The following PKD1L3 variants were observed in gnomAD, a reference collection of about 807,000 sequenced individuals.
PKD1L3 encodes polycystin-1-like protein 3.
A neutral mutation model predicts 184.1 loss-of-function variants in PKD1L3; 239 were observed. The ratio of observed to expected loss-of-function variants is 1.30; its 90% CI spans 1.17 to 1.45. The LOEUF (loss-of-function observed/expected upper bound fraction) is 1.45. Ranked by LOEUF, PKD1L3 falls within the 40% of genes most tolerant of loss-of-function variation. The pLI is 0.00. For missense variants in PKD1L3, 2,660 were observed against 2,067.2 expected (o/e 1.29, Z -5.56); for synonymous variants, 996 against 778.8 (o/e 1.28, Z -4.64).
In PKD1L3 at chr16:72,000,029, T is replaced by G. The variant is rs998647837; in HGVS notation, c.-51A>C. ...GTGTGGGGGTTTAGCAGCTGCCTGGTCCTTTAAATATATATATTGGCGGGC... is the reference window on the plus strand; with the variant it reads ...GTGTGGGGGTTTAGCAGCTGCCTGGGCCTTTAAATATATATATTGGCGGGC... On this transcript the variant is annotated 5_prime_UTR_variant, in exon 1 of 30. Transcript: ENST00000620267. 4 of 1,349,568 alleles carry G rather than the reference T, an allele frequency of 3.0e-6. No individual in the cohort carries two copies. Among genetic ancestry groups the G allele is most frequent in the Non-Finnish European group, 4.0e-6 (4 of 1,009,278 alleles). The allele number at this position is 1,349,568 out of a possible 1,614,324, so 83.6% of individuals were successfully genotyped here. A position where few individuals can be genotyped will look rare whatever the true frequency, so the allele number is the denominator to read the frequency against.
At chr16:71,931,852 A>G (rs1174261287) in intron 28 of PKD1L3, among the ~76,000 whole-genome samples, 2 of 152,140 alleles carry the variant, frequency 1.3e-5, no homozygotes, top group East Asian at 1.9e-4. Flanking sequence ...GATTACCTCT[A>G]GTACTTTATA....
At chr16:71,957,799 A>G (rs2039104749) in intron 16 of PKD1L3, among the ~76,000 whole-genome samples, 1 of 152,188 alleles carries the variant, frequency 6.6e-6, no homozygotes, top group Non-Finnish European at 1.5e-5. Context: ...CAGCAATCAA[A>G]AAAGGGCTGG....
chr16:71,973,451 G>C lies in PKD1L3; in HGVS notation c.1826C>G (p.Thr609Arg), dbSNP rs367778404. The change falls in exon 12 of 30, where the codon ACA becomes AGA. Residue 609 changes from threonine (T) to arginine (R), a missense_variant. Physicochemically the swap from Thr to Arg is moderately conservative, Grantham distance 71. Coordinates refer to ENST00000620267, the MANE Select transcript of PKD1L3 (RefSeq NM_181536.2). ...CTCCTGCCTCTCACTCAGCACAGCTGTTATATAGTAGGTGCCAATCCCGTG... is the reference window on the plus strand; with the variant it reads ...CTCCTGCCTCTCACTCAGCACAGCTCTTATATAGTAGGTGCCAATCCCGTG... The part of the protein sequence containing the change: ...LQHGIGTYYI[T>R]AVLSERQEGA... The C allele has an allele frequency of 1.9e-6, 3 of 1,551,718 alleles. No homozygotes were observed. The highest frequency in any genetic ancestry group is 2.6e-6 in the Non-Finnish European group (3 of 1,147,044).
chr16:71,957,418 G>T (rs2039089923), intron 16 of PKD1L3, among the ~76,000 whole-genome samples: 2 of 151,360 alleles, frequency 1.3e-5, no homozygotes, highest in Non-Finnish European at 2.9e-5. Context: ...ATAGAGATTG[G>T]CAGAATGGAC....
rs867378515 is a variant in PKD1L3, at chr16:71,980,056, C to G, written c.1222G>C (p.Glu408Gln). ...GCAGAGGTCAAAGTCACTGAAGACTCGGGAGACTGGTTCTGCTCTAGAAAT... is the reference window on the plus strand; with the variant it reads ...GCAGAGGTCAAAGTCACTGAAGACTGGGGAGACTGGTTCTGCTCTAGAAAT... The part of the protein sequence containing the change: ...EAFLEQNQSP[E>Q]SSVTLTSANA... The change falls in exon 8 of 30, where the codon GAG becomes CAG. Residue 408 changes from glutamate (E) to glutamine (Q), a missense_variant. Physicochemically the swap from Glu to Gln is conservative, Grantham distance 29 (BLOSUM62 2). Transcript: ENST00000620267. 4 of 1,551,828 alleles carry G rather than the reference C, an allele frequency of 2.6e-6. No homozygotes were observed. Among genetic ancestry groups the G allele is most frequent in the African/African-American group, 1.4e-5 (1 of 73,050 alleles).
At chr16:71,935,337 G>A in intron 26 of PKD1L3, 21 bp downstream of exon 26, 7 of 1,546,670 alleles carry the variant, frequency 4.5e-6, no homozygotes, top group Non-Finnish European at 6.1e-6. Flanking sequence ...AATATGCTGT[G>A]CCCCTCAGGC....
At chr16:71,953,679 C>T (rs889342084) in intron 17 of PKD1L3, among the ~76,000 whole-genome samples, 19 of 152,102 alleles carry the variant, frequency 1.2e-4, no homozygotes, top group African/African-American at 4.6e-4. Context: ...CTGCAACCTC[C>T]GCCTCCTGGG....
At position 71,950,145 on chromosome 16, in the gene PKD1L3, A is replaced by G. The variant is rs773997933; in HGVS notation, c.3356T>C (p.Ile1119Thr). Residue 1119 changes from isoleucine to threonine, a missense_variant, in exon 20 of 30, where the codon ATT (isoleucine) becomes ACT (threonine). By Grantham distance (89) the Ile-to-Thr change is moderately conservative. Coordinates refer to ENST00000620267, the MANE Select transcript of PKD1L3 (RefSeq NM_181536.2). ...QKLQELLETHILPTEQEPSRE... is the reference protein window; with the variant it reads ...QKLQELLETHTLPTEQEPSRE... ...GGATGGCTCTTGCTCCGTGGGAAGAATATGTGTTTCCAAGAGTTCCTGGAG... is the reference window on the plus strand; with the variant it reads ...GGATGGCTCTTGCTCCGTGGGAAGAGTATGTGTTTCCAAGAGTTCCTGGAG... The G allele has an allele frequency of 3.2e-6, 5 of 1,552,070 alleles. No individual in the cohort carries two copies. Among genetic ancestry groups the G allele is most frequent in the East Asian group, 2.4e-5 (1 of 40,930 alleles).
rs2040365929 is a variant in PKD1L3 at position 71,986,407 on chromosome 16, C to A, written c.648G>T (p.Gln216His). 2 of 1,551,868 alleles carry A rather than the reference C, an allele frequency of 1.3e-6. No individual in the cohort carries two copies. Among genetic ancestry groups the A allele is most frequent in the Non-Finnish European group, 1.7e-6 (2 of 1,146,962 alleles). The change falls in exon 5 of 30, where the codon CAG (glutamine) becomes CAT (histidine). Residue 216 changes from glutamine to histidine, a missense_variant. Coordinates refer to ENST00000620267, the MANE Select transcript of PKD1L3 (RefSeq NM_181536.2). ...FPSVLSSITS[Q>H]VTSAASEPSS... ...TGGGTTCAGATGCGGCTGATGTTAC[C>A]TGTGATGTGATACTTGATAGTACTG...
At position 71,979,830 on chromosome 16, in the gene PKD1L3, C is replaced by T. The variant is rs1324153525; in HGVS notation, c.1354G>A (p.Ala452Thr). 6.6e-7 allele frequency: 1 copy of T among 1,517,554 alleles called. No individual in the cohort carries two copies. The highest frequency in any genetic ancestry group is 2.7e-5 in the Admixed American group (1 of 37,720). The allele number at this position is 1,517,554 out of a possible 1,614,324, so 94.0% of individuals were successfully genotyped here. The change falls in exon 9 of 30, where the codon GCT becomes ACT. Residue 452 changes from alanine (A) to threonine (T), a missense_variant. Ala to Thr is a moderately conservative substitution (Grantham distance 58, BLOSUM62 0). Coordinates refer to ENST00000620267, the MANE Select transcript of PKD1L3 (RefSeq NM_181536.2). Reference sequence around the variant, plus strand: ...TGTTTATTCAAGAGCTCCTTCAAAGCTAAAGCCGACGGAAAGCCTAGCCTC... The same window carrying T: ...TGTTTATTCAAGAGCTCCTTCAAAGTTAAAGCCGACGGAAAGCCTAGCCTC... ...PVRLGFPSALALKELLNKHPG... is the reference protein window; with the variant it reads ...PVRLGFPSALTLKELLNKHPG...
chr16:71,974,176 G>A (rs2039831854), intron 11 of PKD1L3, among the ~76,000 whole-genome samples: 1 of 152,214 alleles, frequency 6.6e-6, no homozygotes, highest in African/African-American at 2.4e-5. Flanking sequence ...AGATAGGGCA[G>A]CTTCAGGAAC....
At chr16:71,941,115 G>GT (rs2038344847) in intron 24 of PKD1L3, among the ~76,000 whole-genome samples, 1 of 152,026 alleles carries the variant, frequency 6.6e-6, no homozygotes, top group Non-Finnish European at 1.5e-5. Flanking sequence ...TGGGATTATA[G>GT]GCTTGAGACA....
intron 1 of PKD1L3, among the ~76,000 whole-genome samples, chr16:71,999,311 G>C (rs1166351173): frequency 6.6e-6 from 1 of 151,040 alleles, no homozygotes; most frequent in Non-Finnish European, 1.5e-5. Context: ...TTGTAAGAAA[G>C]ACAATAGGTA....
intron 18 of PKD1L3, among the ~76,000 whole-genome samples, chr16:71,952,195 A>ATT (rs34849069): frequency 0.058 from 2,946 of 50,834 alleles, 566 homozygotes; most frequent in East Asian, 0.11. Context: ...GGAGCATGTC[A>ATT]TTTTTTTTTT....
At chr16:71,980,219 G>T in intron 7 of PKD1L3, 85 bp from the exon 8 acceptor site, 1 of 1,458,074 alleles carries the variant, frequency 6.9e-7, no homozygotes. Flanking sequence ...AGATTGGAAG[G>T]GGAATTTTCA....
At chr16:71,986,619 T>A in intron 4 of PKD1L3, 150 bp from the exon 5 acceptor site, 1 of 901,872 alleles carries the variant, frequency 1.1e-6, no homozygotes, top group Non-Finnish European at 1.6e-6. Context: ...CAAACAGAAT[T>A]TTGAAATTTC....
chr16:71,978,839 C>T (rs939362444), intron 9 of PKD1L3, among the ~76,000 whole-genome samples: 67 of 152,060 alleles, frequency 4.4e-4, no homozygotes, highest in Middle Eastern at 3.4e-3. Flanking sequence ...CATGCCCAGC[C>T]GGATATCATA....
chr16:71,931,463 CTT>C (rs11405919), intron 28 of PKD1L3, among the ~76,000 whole-genome samples: 7 of 115,884 alleles, frequency 6.0e-5, no homozygotes, highest in South Asian at 3.2e-4. Context: ...TTCTCCCCCA[CTT>C]TTTTTTTTTT....
At chr16:71,969,748 T>C in intron 13 of PKD1L3, 127 bp downstream of exon 13, 2 of 821,338 alleles carry the variant, frequency 2.4e-6, no homozygotes, top group South Asian at 2.0e-5. Context: ...TAAGAAAAGT[T>C]TCACTTGAAT....
Sources: allele counts gnomAD v4.1 joint callset (sites outside exome capture counted in the v4.1 genomes callset), GRCh38; gene constraint gnomAD v4.1.1; transcripts MANE v1.5; gene names NCBI Gene and HGNC (gene_info 2026-07-23, HGNC 2026-07-21).